Variants in RXFP2 observed in about 807,000 individuals in gnomAD.
RXFP2 encodes relaxin family peptide receptor 2, also known as relaxin receptor 2.
In RXFP2, 68 loss-of-function variants were observed where a neutral mutation model predicts 88.6. That is an observed-to-expected ratio of 0.77 (90% CI 0.63 to 0.94). The LOEUF is 0.94. Ranked by LOEUF, RXFP2 falls within the 40% of genes least tolerant of loss-of-function variation. The pLI is 0.00. For synonymous variants in RXFP2, 329 were observed against 306.8 expected (o/e 1.07, Z -0.76); for missense variants, 791 against 893.9 (o/e 0.88, Z 1.47).
At chr13:31,775,499 T>C in intron 7 of RXFP2, 110 bp downstream of exon 7, 1 of 850,578 alleles carries the variant, frequency 1.2e-6, no homozygotes, top group African/African-American at 1.7e-5. Flanking sequence ...ATACTTGCTT[T>C]TCTGATTATC....
intron 5 of RXFP2, among the ~76,000 whole-genome samples, chr13:31,770,641 G>C (rs1250380071): frequency 2.6e-5 from 4 of 152,102 alleles, no homozygotes; most frequent in Admixed American, 2.6e-4. Context: ...GACTTTCCTT[G>C]ACACTTTCTT....
intron 1 of RXFP2, among the ~76,000 whole-genome samples, chr13:31,751,856 G>A (rs1871688047): frequency 6.6e-6 from 1 of 152,124 alleles, no homozygotes; most frequent in Non-Finnish European, 1.5e-5. Flanking sequence ...CCTCAGGCAG[G>A]CTTTAGGAAG....
chr13:31,780,958 G>C (rs1042891296), intron 9 of RXFP2, among the ~76,000 whole-genome samples: 5 of 152,226 alleles, frequency 3.3e-5, no homozygotes, highest in Admixed American at 2.6e-4. Context: ...TTGCATCCCT[G>C]CCATTCTGAG....
At chr13:31,793,746 A>G (rs1219707295) in intron 16 of RXFP2, among the ~76,000 whole-genome samples, 3 of 151,938 alleles carry the variant, frequency 2.0e-5, no homozygotes, top group Non-Finnish European at 4.4e-5. Context: ...GGCCTTTCCT[A>G]TATCCTCTCT....
At chr13:31,785,173 C>T (rs565251796) in intron 11 of RXFP2, among the ~76,000 whole-genome samples, 1 of 152,194 alleles carries the variant, frequency 6.6e-6, no homozygotes, top group South Asian at 2.1e-4. Context: ...AGGTGGGTCC[C>T]GGGGATGTGC....
At chr13:31,789,545 A>AT (rs1873702623) in intron 14 of RXFP2, among the ~76,000 whole-genome samples, 1 of 152,206 alleles carries the variant, frequency 6.6e-6, no homozygotes, top group African/African-American at 2.4e-5. Flanking sequence ...CGGCTGCTCT[A>AT]AGATTTGAGC....
At chr13:31,755,119 G>A (rs1271207424) in intron 1 of RXFP2, among the ~76,000 whole-genome samples, 11 of 152,184 alleles carry the variant, frequency 7.2e-5, no homozygotes. Flanking sequence ...AAGATTTAAA[G>A]AGGTTAAGTA....
At chr13:31,785,626 C>G (rs189066508) in intron 11 of RXFP2, among the ~76,000 whole-genome samples, 35 of 151,816 alleles carry the variant, frequency 2.3e-4, no homozygotes, top group African/African-American at 8.2e-4. Flanking sequence ...TTGTAACTCC[C>G]ACATAACCAT....
At chr13:31,758,205 C>G (rs1291699260) in intron 1 of RXFP2, 53 bp from the exon 2 acceptor site, 11 of 1,600,540 alleles carry the variant, frequency 6.9e-6, no homozygotes, top group Admixed American at 3.3e-5. Context: ...TGGGACAACA[C>G]GGAGAGAGCT....
intron 16 of RXFP2, among the ~76,000 whole-genome samples, chr13:31,795,410 A>T (rs1199700882): frequency 6.6e-6 from 1 of 152,164 alleles, no homozygotes; most frequent in African/African-American, 2.4e-5. Context: ...TCGGTTTCCC[A>T]AAGTGCTGGG....
At chr13:31,755,262 A>G (rs1871886638) in intron 1 of RXFP2, among the ~76,000 whole-genome samples, 1 of 152,212 alleles carries the variant, frequency 6.6e-6, no homozygotes, top group African/African-American at 2.4e-5. Context: ...TCATGAAATC[A>G]ACTTAGAGGC....
chr13:31,786,026 C>T (rs750340728), intron 11 of RXFP2, among the ~76,000 whole-genome samples: 1 of 152,004 alleles, frequency 6.6e-6, no homozygotes, highest in Non-Finnish European at 1.5e-5. Context: ...AACAAGAGAC[C>T]ACGTATATGA....
chr13:31,766,669 T>C (rs1160454320), intron 5 of RXFP2, among the ~76,000 whole-genome samples: 1 of 152,186 alleles, frequency 6.6e-6, no homozygotes, highest in Non-Finnish European at 1.5e-5. Flanking sequence ...ACAATTTTCA[T>C]GAACAATCCC....
Position 31,797,323 on chromosome 13 carries a change from G to A in RXFP2, c.1909G>A (p.Ala637Thr). ...RNCFGREVAV[A>T]NRFFFIVFSD... ...TTGTTTTGGAAGAGAGGTGGCTGTT[G>A]CAAATCGTTTCTTTTTTATAGTGTT... The change falls in exon 17 of 18, where the codon GCA becomes ACA. Residue 637 changes from alanine (A) to threonine (T), a missense_variant. By Grantham distance (58) the Ala-to-Thr change is moderately conservative. Coordinates refer to ENST00000298386, the MANE Select transcript of RXFP2 (RefSeq NM_130806.5). 2 of 1,614,062 alleles carry A rather than the reference G, an allele frequency of 1.2e-6. No homozygotes were observed. Among genetic ancestry groups the A allele is most frequent in the Admixed American group, 1.7e-5 (1 of 60,022 alleles).
At chr13:31,777,535 C>G (rs1873048622) in intron 8 of RXFP2, 88 bp downstream of exon 8, 1 of 1,004,564 alleles carries the variant, frequency 1.0e-6, no homozygotes, top group Non-Finnish European at 1.5e-6. Context: ...TTAAAAAAAT[C>G]AAGCCCACAA....
chr13:31,749,302 A>G (rs1871562055), intron 1 of RXFP2, among the ~76,000 whole-genome samples: 1 of 151,982 alleles, frequency 6.6e-6, no homozygotes, highest in Non-Finnish European at 1.5e-5. Flanking sequence ...CTATTTTTCA[A>G]TCTTTCCACC....
chr13:31,788,596 T>C (rs1234620907), intron 13 of RXFP2, among the ~76,000 whole-genome samples: 1 of 152,180 alleles, frequency 6.6e-6, no homozygotes, highest in East Asian at 1.9e-4. Context: ...TAAATTTAAT[T>C]AAAGGAATTC....
At chr13:31,774,828 T>C (rs988277854) in intron 6 of RXFP2, 137 bp downstream of exon 6, 1 of 677,874 alleles carries the variant, frequency 1.5e-6, no homozygotes, top group Non-Finnish European at 2.7e-6. Context: ...AGATTAGTTA[T>C]TACACTGAAA....
At chr13:31,776,102 T>TTTCTTTC (rs35847911) in intron 7 of RXFP2, among the ~76,000 whole-genome samples, 11,599 of 109,714 alleles carry the variant, frequency 0.11, 808 homozygotes, top group Middle Eastern at 0.16. Context: ...CTTTCTTTTC[T>TTTCTTTC]TTTCTTTCTT....
Sources: gnomAD v4.1 joint callset for allele counts (sites outside exome capture counted in the v4.1 genomes callset) on GRCh38, gnomAD v4.1.1 for gene constraint, MANE v1.5 for transcripts, NCBI Gene and HGNC (gene_info 2026-07-23, HGNC 2026-07-21) for gene names.